HIVEP3: variants seen among roughly 807,000 people sequenced by gnomAD.
HIVEP3 encodes HIVEP zinc finger 3, also known as transcription factor HIVEP3.
A neutral mutation model predicts 152.8 loss-of-function variants in HIVEP3; 49 were observed. That is an observed-to-expected ratio of 0.32 (90% CI 0.26 to 0.41). The LOEUF is 0.41. HIVEP3 is among the 10% of genes least tolerant of loss of function. The pLI is 1.00. For synonymous variants in HIVEP3, 1,269 were observed against 1,289.0 expected, an observed-to-expected ratio of 0.98 and a Z score of 0.33; for missense variants, 2,790 against 3,103.3, an observed-to-expected ratio of 0.90 and a Z score of 2.40.
chr1:41,532,425 G>A (rs1237280867), intron 5 of HIVEP3, among the ~76,000 whole-genome samples: 4 of 152,078 alleles, frequency 2.6e-5, no homozygotes, highest in African/African-American at 9.7e-5. Context: ...GATGAGGCTG[G>A]AGGAAAGGCA....
intron 1 of HIVEP3, among the ~76,000 whole-genome samples, chr1:41,945,077 C>T (rs1455602862): frequency 6.6e-6 from 1 of 152,124 alleles, no homozygotes; most frequent in East Asian, 1.9e-4. Context: ...GAGTGAAGTG[C>T]TATATGTACA....
At chr1:41,826,854 T>C (rs181488870) in intron 1 of HIVEP3, among the ~76,000 whole-genome samples, 2 of 152,242 alleles carry the variant, frequency 1.3e-5, no homozygotes, top group Non-Finnish European at 2.9e-5. Context: ...TAATAGTGAC[T>C]GAGCCCTGCC....
At position 41,511,223 on chromosome 1, in the gene HIVEP3, G is replaced by A; in HGVS notation, c.6449C>T (p.Ala2150Val). Reference protein sequence around the residue: ...SRSPSCSPGPAHPLSSRPFSA... With the variant: ...SRSPSCSPGPVHPLSSRPFSA... ...GAAGGGTCGGGAGGAGAGAGGATGA[G>A]CAGGGCCGGGTGAGCAGGAGGGACT... is the stretch of plus-strand genomic sequence containing the variant. Residue 2150 changes from alanine (A) to valine (V), a missense_variant, in exon 9 of 9, where the codon GCT becomes GTT. Physicochemically the swap from Ala to Val is moderately conservative, Grantham distance 64. Around this residue, in one of 9 missense-constraint regions of HIVEP3, gnomAD observed 816 missense variants for 806.5 expected, o/e 1.01. Transcript: ENST00000372583. This position sits in a 1 kb window ranked among gnomAD's most constrained non-coding sequence, Gnocchi z 4.9. 6.2e-7 allele frequency: 1 copy of A among 1,613,200 alleles called. No homozygotes were observed. The highest frequency in any genetic ancestry group is 8.5e-7 in the Non-Finnish European group (1 of 1,179,624).
intron 2 of HIVEP3, among the ~76,000 whole-genome samples, chr1:41,645,405 T>C (rs1299805251): frequency 6.6e-6 from 1 of 152,194 alleles, no homozygotes; most frequent in East Asian, 1.9e-4. Flanking sequence ...CTCCCTCTTA[T>C]TGCTCATGGT....
chr1:41,839,590 C>T (rs951320868), intron 1 of HIVEP3, among the ~76,000 whole-genome samples: 41 of 152,202 alleles, frequency 2.7e-4, no homozygotes, highest in Non-Finnish European at 5.1e-4. Context: ...ACTAACAAAT[C>T]GCAGGGCCCA....
intron 1 of HIVEP3, among the ~76,000 whole-genome samples, chr1:41,994,306 T>C (rs1245023546): frequency 6.6e-6 from 1 of 151,184 alleles, no homozygotes; most frequent in African/African-American, 2.4e-5. Flanking sequence ...GGAAACAATG[T>C]ATTATAAGCA....
chr1:41,510,946 G>C lies in HIVEP3; in HGVS notation c.6726C>G (p.Gly2242=). The C allele has an allele frequency of 6.2e-7, 1 of 1,613,588 alleles. No homozygotes were observed. The highest frequency in any genetic ancestry group is 8.5e-7 in the Non-Finnish European group (1 of 1,179,878). ...LTGAREAQER[G]RWSPTESSSA... ...ACGAGCTCTCAGTGGGACTCCAGCG[G>C]CCTCGCTCCTGGGCCTCCCGGGCCC... Residue 2242 remains glycine, a synonymous_variant, in exon 9 of 9, where the codon GGC becomes GGG. Coordinates refer to ENST00000372583, the MANE Select transcript of HIVEP3 (RefSeq NM_024503.5).
intron 1 of HIVEP3, among the ~76,000 whole-genome samples, chr1:41,767,669 C>G (rs376504037): frequency 6.6e-6 from 1 of 152,224 alleles, no homozygotes; most frequent in African/African-American, 2.4e-5. Flanking sequence ...TACCCGCGAA[C>G]AAGCACACTG....
intron 2 of HIVEP3, among the ~76,000 whole-genome samples, chr1:41,630,413 C>T (rs1454017449): frequency 6.6e-6 from 1 of 152,126 alleles, no homozygotes; most frequent in African/African-American, 2.4e-5. Context: ...TACCCCAAAT[C>T]TAATAGAAAA....
At chr1:41,553,600 G>A (rs1291544026) in intron 5 of HIVEP3, among the ~76,000 whole-genome samples, 1 of 152,210 alleles carries the variant, frequency 6.6e-6, no homozygotes, top group Non-Finnish European at 1.5e-5. Context: ...AGCATCGATG[G>A]TCTTTACAAT....
At chr1:41,516,725 G>T (rs996991149) in intron 7 of HIVEP3, among the ~76,000 whole-genome samples, 2 of 152,192 alleles carry the variant, frequency 1.3e-5, no homozygotes, top group Non-Finnish European at 2.9e-5. Flanking sequence ...CCAGCACGCG[G>T]GCCAAGCGCC....
intron 1 of HIVEP3, among the ~76,000 whole-genome samples, chr1:41,707,475 C>T (rs1189347728): frequency 1.3e-5 from 2 of 152,222 alleles, no homozygotes; most frequent in African/African-American, 4.8e-5. Context: ...TTCAAAGTCT[C>T]TTAAAGGGCC....
At chr1:41,544,831 TCACCACCACCACTACCACCACCACCAC>T (rs1643657688) in intron 5 of HIVEP3, among the ~76,000 whole-genome samples, 2 of 10,170 alleles carry the variant, frequency 2.0e-4, no homozygotes, top group East Asian at 7.4e-3. Flanking sequence ...ACCACCACCA[TCACCACCACCACTACCACCACCACCAC>T]CACCACCACC....
intron 1 of HIVEP3, among the ~76,000 whole-genome samples, chr1:42,014,594 G>A (rs1328475183): frequency 6.6e-6 from 1 of 152,198 alleles, no homozygotes; most frequent in Non-Finnish European, 1.5e-5. Flanking sequence ...TGTAGGTCCA[G>A]TGATGCCGAT....
At chr1:41,774,191 C>T (rs765039) in intron 1 of HIVEP3, among the ~76,000 whole-genome samples, 6 of 152,100 alleles carry the variant, frequency 3.9e-5, no homozygotes, top group Non-Finnish European at 1.5e-5. Flanking sequence ...CAGCGTGTCT[C>T]GGGTTTGGCT....
chr1:41,684,316 G>C (rs747535435), intron 2 of HIVEP3, among the ~76,000 whole-genome samples: 58 of 152,326 alleles, frequency 3.8e-4, no homozygotes, highest in Non-Finnish European at 7.1e-4. Flanking sequence ...AACCACCTTG[G>C]CCATGCAGCT....
chr1:42,014,515 G>A lies in HIVEP3; in HGVS notation n.119+21292C>T, dbSNP rs552742084. 6.2e-4 allele frequency among the ~76,000 whole-genome samples: 94 copies of A among 152,206 alleles called. No homozygotes were observed. The South Asian group carries it at 0.018, about 30-fold the overall frequency. On this transcript the variant is annotated intron_variant and non_coding_transcript_variant, in intron 1 of 3. Coordinates refer to the HIVEP3 transcript ENST00000489103. ...GACAACAGAGCACAAATAAAGCTGCGCCAACAATATCCACATCCTGAGCTT... is the reference window on the plus strand; with the variant it reads ...GACAACAGAGCACAAATAAAGCTGCACCAACAATATCCACATCCTGAGCTT...
intron 2 of HIVEP3, among the ~76,000 whole-genome samples, chr1:41,681,765 T>A (rs777827273): frequency 6.6e-6 from 1 of 152,180 alleles, no homozygotes; most frequent in Non-Finnish European, 1.5e-5. Flanking sequence ...AGGGAAACCT[T>A]GTGTTCAGCT....
chr1:41,988,924 G>A (rs975272755), intron 1 of HIVEP3, among the ~76,000 whole-genome samples: 3 of 152,172 alleles, frequency 2.0e-5, no homozygotes, highest in African/African-American at 7.2e-5. Flanking sequence ...TGAAAACACA[G>A]ATGAACCTAA....
Sources: gnomAD v4.1 joint callset for allele counts (sites outside exome capture counted in the v4.1 genomes callset) on GRCh38, gnomAD v4.1.1 for gene constraint, gnomAD v4.1.1 regional missense constraint, Gnocchi (gnomAD v3.1) non-coding constraint, MANE v1.5 for transcripts, NCBI Gene and HGNC (gene_info 2026-07-23, HGNC 2026-07-21) for gene names.